The following GALNTL6 variants were observed in gnomAD, a reference collection of about 807,000 sequenced individuals.
The protein encoded by GALNTL6 is polypeptide N-acetylgalactosaminyltransferase-like 6.
A neutral mutation model predicts 73.7 loss-of-function variants in GALNTL6; 46 were observed. The observed-to-expected ratio is 0.62, with a 90% CI of 0.49 to 0.80. The LOEUF is 0.80. Ranked by LOEUF, GALNTL6 falls within the 30% of genes least tolerant of loss-of-function variation. GALNTL6 has a pLI of 0.00. For synonymous variants in GALNTL6, 259 were observed against 263.7 expected (o/e 0.98, Z 0.17); for missense variants, 604 against 755.0 (o/e 0.80, Z 2.34).
At chr4:172,354,908 T>C (rs760268941) in intron 5 of GALNTL6, among the ~76,000 whole-genome samples, 6 of 152,118 alleles carry the variant, frequency 3.9e-5, no homozygotes, top group Non-Finnish European at 8.8e-5. Context: ...TTGTATTGTC[T>C]CCTTTTTCTC....
chr4:171,885,822 A>T (rs7691495), intron 2 of GALNTL6, among the ~76,000 whole-genome samples: 1,668 of 152,292 alleles, frequency 0.011, 31 homozygotes, highest in African/African-American at 0.035. Context: ...ATAATAAAAT[A>T]AAATTAAATT....
rs117590653 is a variant in GALNTL6 at position 172,987,324 on chromosome 4, C to G, written c.1372-21854C>G. Among the ~76,000 whole-genome samples the G allele has an allele frequency of 9.3e-3, 1,420 of 152,162 alleles. 3 individuals are homozygous for G. The highest frequency in any genetic ancestry group is 0.029 in the South Asian group (138 of 4,814). On this transcript the variant is annotated intron_variant, in intron 10 of 12. Coordinates refer to ENST00000506823, the MANE Select transcript of GALNTL6 (RefSeq NM_001034845.3). ...GGTGGCAGCAAGGAGAAGGTGGCAG[C>G]TAAGCAAAAGGGGGAAAAGCCTCTT...
intron 3 of GALNTL6, among the ~76,000 whole-genome samples, chr4:172,244,772 A>G (rs1362664430): frequency 6.6e-6 from 1 of 152,188 alleles, no homozygotes; most frequent in Admixed American, 6.5e-5. Context: ...GGTCTATATA[A>G]ACATATTTCA....
At chr4:172,372,674 A>G (rs779909780) in intron 5 of GALNTL6, among the ~76,000 whole-genome samples, 3 of 152,148 alleles carry the variant, frequency 2.0e-5, no homozygotes, top group Non-Finnish European at 4.4e-5. Flanking sequence ...AGCAAAGCTG[A>G]AGTTTGAACT....
chr4:172,118,318 A>G (rs1188707054), intron 2 of GALNTL6, among the ~76,000 whole-genome samples: 1 of 152,192 alleles, frequency 6.6e-6, no homozygotes, highest in Non-Finnish European at 1.5e-5. Context: ...GTTAAGAGGT[A>G]CATAAAGTTT....
At chr4:172,980,412 T>A (rs968538918) in intron 10 of GALNTL6, among the ~76,000 whole-genome samples, 3 of 152,222 alleles carry the variant, frequency 2.0e-5, no homozygotes, top group African/African-American at 7.2e-5. Context: ...CCTGAAACTC[T>A]AGAGCCATCT....
At chr4:172,876,667 A>T (rs1047602827) in intron 7 of GALNTL6, among the ~76,000 whole-genome samples, 1 of 152,148 alleles carries the variant, frequency 6.6e-6, no homozygotes, top group African/African-American at 2.4e-5. Flanking sequence ...ACCTCGTGAC[A>T]CCATAAAAAG....
intron 5 of GALNTL6, among the ~76,000 whole-genome samples, chr4:172,682,155 T>C (rs1250029859): frequency 6.6e-6 from 1 of 152,126 alleles, no homozygotes; most frequent in Non-Finnish European, 1.5e-5. Flanking sequence ...AAATAGATAA[T>C]GATCTGGACA....
intron 4 of GALNTL6, among the ~76,000 whole-genome samples, chr4:172,317,789 A>T (rs1374941693): frequency 6.6e-6 from 1 of 152,236 alleles, no homozygotes; most frequent in Non-Finnish European, 1.5e-5. Flanking sequence ...TTCAAAAGCC[A>T]CATAAAAAGT....
chr4:172,480,153 T>C (rs927454766), intron 5 of GALNTL6, among the ~76,000 whole-genome samples: 1 of 152,116 alleles, frequency 6.6e-6, no homozygotes, highest in Admixed American at 6.5e-5. Flanking sequence ...TGTTTTTTTT[T>C]TAAATTAGTC....
chr4:172,744,830 AGT>A (rs1343684683), intron 5 of GALNTL6, among the ~76,000 whole-genome samples: 5 of 101,338 alleles, frequency 4.9e-5, no homozygotes, highest in Admixed American at 2.3e-4. Flanking sequence ...AGATTTTAAG[AGT>A]GCGCGTGCGT....
At chr4:172,531,344 A>T (rs2110847209) in intron 5 of GALNTL6, among the ~76,000 whole-genome samples, 1 of 152,298 alleles carries the variant, frequency 6.6e-6, no homozygotes, top group Non-Finnish European at 1.5e-5. Context: ...AAAAACTAGA[A>T]TTTTCTCCAA....
intron 3 of GALNTL6, among the ~76,000 whole-genome samples, chr4:172,273,373 C>T (rs2111062773): frequency 6.6e-6 from 1 of 152,232 alleles, no homozygotes; most frequent in Non-Finnish European, 1.5e-5. Flanking sequence ...AGCTCTGACT[C>T]ATTTTTTTGT....
At chr4:172,081,769 T>C (rs1731886929) in intron 2 of GALNTL6, among the ~76,000 whole-genome samples, 1 of 152,228 alleles carries the variant, frequency 6.6e-6, no homozygotes, top group Non-Finnish European at 1.5e-5. Flanking sequence ...ACAGCCATAC[T>C]ACAGGAACCC....
At chr4:172,353,715 T>TTA (rs150092120) in intron 5 of GALNTL6, among the ~76,000 whole-genome samples, 15,748 of 151,190 alleles carry the variant, frequency 0.1, 842 homozygotes, top group East Asian at 0.18. Flanking sequence ...GGAAAAAATA[T>TTA]TATATATATA....
chr4:172,167,354 A>G (rs1477083039), intron 2 of GALNTL6, among the ~76,000 whole-genome samples: 3 of 152,206 alleles, frequency 2.0e-5, no homozygotes, highest in Non-Finnish European at 4.4e-5. Flanking sequence ...ATAATAATTT[A>G]GAAGATGGTA....
intron 10 of GALNTL6, 40 bp from the exon 11 acceptor site, chr4:173,009,138 G>T (rs745638010): frequency 7.4e-7 from 1 of 1,342,886 alleles, no homozygotes; most frequent in South Asian, 1.2e-5. Context: ...GATAAAATAC[G>T]ACATAGCCCC....
chr4:172,104,135 G>A (rs1308724270), intron 2 of GALNTL6, among the ~76,000 whole-genome samples: 1 of 151,924 alleles, frequency 6.6e-6, no homozygotes, highest in African/African-American at 2.4e-5. Flanking sequence ...TAGTAAAGAC[G>A]GGGTTTCACC....
chr4:172,429,305 G>A (rs1579063637), intron 5 of GALNTL6, among the ~76,000 whole-genome samples: 3 of 151,328 alleles, frequency 2.0e-5, no homozygotes, highest in Admixed American at 6.6e-5. Context: ...TCTGCATTCC[G>A]GGTTCAAGCG....
Sources: allele counts gnomAD v4.1 joint callset (sites outside exome capture counted in the v4.1 genomes callset), GRCh38; gene constraint gnomAD v4.1.1; transcripts MANE v1.5; gene names NCBI Gene and HGNC (gene_info 2026-07-23, HGNC 2026-07-21).